The following PDE10A variants were observed in gnomAD, a reference collection of about 807,000 sequenced individuals.
PDE10A encodes phosphodiesterase 10A.
Under a neutral mutation model 97.7 loss-of-function variants are expected in PDE10A, and 39 were observed. That is an observed-to-expected ratio of 0.40 (90% CI 0.31 to 0.52). The LOEUF is 0.52. Among genes scored for constraint, PDE10A ranks in the 20% least tolerant of loss-of-function variants. The pLI, the probability that PDE10A is intolerant of heterozygous loss-of-function variation, is 0.56. For synonymous variants in PDE10A, 371 were observed against 376.8 expected, an observed-to-expected ratio of 0.98 and a Z score of 0.18; for missense variants, 731 against 1,047.8, an observed-to-expected ratio of 0.70 and a Z score of 4.17.
upstream of PDE10A, among the ~76,000 whole-genome samples, chr6:165,663,804 C>T (rs1240620603): frequency 6.6e-6 from 1 of 152,188 alleles, no homozygotes; most frequent in Non-Finnish European, 1.5e-5. Flanking sequence ...GCGATCATTG[C>T]CCCAAACCCT....
chr6:165,681,640 A>G (rs1355424145), intron 1 of PDE10A, among the ~76,000 whole-genome samples: 2 of 152,242 alleles, frequency 1.3e-5, no homozygotes, highest in East Asian at 3.8e-4. Context: ...ATTATTTTAT[A>G]TAGTTTTTTC....
intron 1 of PDE10A, among the ~76,000 whole-genome samples, chr6:165,955,180 A>G (rs549425823): frequency 6.6e-6 from 1 of 152,248 alleles, no homozygotes; most frequent in African/African-American, 2.4e-5. Context: ...TACAATCCCC[A>G]AGTTCTCCAC....
At chr6:165,865,148 C>T (rs1292660495) in intron 1 of PDE10A, among the ~76,000 whole-genome samples, 1 of 152,192 alleles carries the variant, frequency 6.6e-6, no homozygotes, top group Non-Finnish European at 1.5e-5. Context: ...CCACTAACAA[C>T]CACAGCCTTA....
intron 1 of PDE10A, among the ~76,000 whole-genome samples, chr6:165,785,830 C>T (rs1398699684): frequency 1.3e-5 from 2 of 152,214 alleles, no homozygotes; most frequent in African/African-American, 4.8e-5. Context: ...TATTTTCACA[C>T]ACCTCAACCC....
intron 1 of PDE10A, among the ~76,000 whole-genome samples, chr6:165,848,685 C>G (rs1780490399): frequency 6.6e-6 from 1 of 152,152 alleles, no homozygotes; most frequent in African/African-American, 2.4e-5. Flanking sequence ...AGAACAATGG[C>G]CCCCCAAGGG....
At chr6:165,777,759 G>A (rs555223288) in intron 1 of PDE10A, among the ~76,000 whole-genome samples, 4 of 152,124 alleles carry the variant, frequency 2.6e-5, no homozygotes, top group Non-Finnish European at 5.9e-5. Flanking sequence ...CTAACACACA[G>A]AGGTACATCA....
intron 1 of PDE10A, among the ~76,000 whole-genome samples, chr6:165,782,588 C>T (rs1327945049): frequency 6.6e-6 from 1 of 152,188 alleles, no homozygotes; most frequent in Non-Finnish European, 1.5e-5. Context: ...ATTATCCAAC[C>T]CTCCCCTGAC....
intron 5 of PDE10A, among the ~76,000 whole-genome samples, chr6:165,438,559 C>G (rs1790209210): frequency 6.6e-6 from 1 of 152,212 alleles, no homozygotes; most frequent in African/African-American, 2.4e-5. Flanking sequence ...GTATACCACA[C>G]TGTTTTAATT....
At chr6:165,973,456 C>T (rs1784756514) in intron 1 of PDE10A, among the ~76,000 whole-genome samples, 1 of 151,766 alleles carries the variant, frequency 6.6e-6, no homozygotes, top group Non-Finnish European at 1.5e-5. Context: ...GAATTGAGGT[C>T]TCTTAGGATC....
At chr6:165,959,096 G>A (rs1475354805) in intron 1 of PDE10A, among the ~76,000 whole-genome samples, 1 of 152,200 alleles carries the variant, frequency 6.6e-6, no homozygotes, top group Non-Finnish European at 1.5e-5. Context: ...TCTGAACATA[G>A]CAGAGTTTGA....
At chr6:165,335,945 A>C (rs1165993531) in intron 21 of PDE10A, among the ~76,000 whole-genome samples, 178 bp downstream of exon 21, 1 of 152,168 alleles carries the variant, frequency 6.6e-6, no homozygotes, top group Non-Finnish European at 1.5e-5. Context: ...AATTGAACCA[A>C]AGGGGAGAAG....
chr6:165,692,492 G>A (rs936930780), intron 1 of PDE10A, among the ~76,000 whole-genome samples: 1 of 152,134 alleles, frequency 6.6e-6, no homozygotes, highest in Non-Finnish European at 1.5e-5. Context: ...CTGGGACTCT[G>A]GCCCAGGAAG....
At chr6:165,904,556 T>A (rs1385360324) in intron 1 of PDE10A, among the ~76,000 whole-genome samples, 1 of 152,102 alleles carries the variant, frequency 6.6e-6, no homozygotes, top group Non-Finnish European at 1.5e-5. Flanking sequence ...TATGGTACAA[T>A]TTTTTTCCCT....
At chr6:165,731,004 C>T (rs140227177) in intron 1 of PDE10A, among the ~76,000 whole-genome samples, 2,983 of 152,260 alleles carry the variant, frequency 0.02, 51 homozygotes, top group Non-Finnish European at 0.029. Flanking sequence ...TGAGATTGTG[C>T]CACTGCACTC....
intron 3 of PDE10A, among the ~76,000 whole-genome samples, chr6:165,464,003 C>T (rs963177753): frequency 2.0e-5 from 3 of 152,226 alleles, no homozygotes; most frequent in African/African-American, 4.8e-5. Context: ...AGAAACAATG[C>T]TAATGACTGG....
intron 1 of PDE10A, among the ~76,000 whole-genome samples, chr6:165,591,996 T>G (rs554561324): frequency 6.6e-6 from 1 of 152,292 alleles, no homozygotes; most frequent in African/African-American, 2.4e-5. Context: ...ATATATATGA[T>G]AAACTTAAAA....
chr6:165,897,516 G>A (rs1451990835), intron 1 of PDE10A, among the ~76,000 whole-genome samples: 3 of 152,058 alleles, frequency 2.0e-5, no homozygotes, highest in African/African-American at 7.2e-5. Context: ...GGGAAGGGAT[G>A]GCTGTGGCAC....
chr6:165,906,028 CCTT>C, intron 1 of PDE10A, among the ~76,000 whole-genome samples: 1 of 7,364 alleles, frequency 1.4e-4, no homozygotes, highest in Non-Finnish European at 2.4e-4. Context: ...TCCCTCCCTT[CCTT>C]CCTTCCTTCC....
At chr6:165,343,625 G>T (rs1782117082) in intron 18 of PDE10A, 123 bp from the exon 19 acceptor site, 1 of 702,876 alleles carries the variant, frequency 1.4e-6, no homozygotes, top group Admixed American at 2.3e-5. Context: ...AGAGCACACA[G>T]AAGTGACAGC....
Sources: gnomAD v4.1 joint callset for allele counts (sites outside exome capture counted in the v4.1 genomes callset) on GRCh38, gnomAD v4.1.1 for gene constraint, MANE v1.5 for transcripts, NCBI Gene and HGNC (gene_info 2026-07-23, HGNC 2026-07-21) for gene names.